PRRC1: variants seen among roughly 807,000 people sequenced by gnomAD.
PRRC1 encodes protein PRRC1.
PRRC1 carries 39 observed loss-of-function variants against 40.7 expected under a neutral mutation model. The observed-to-expected ratio is 0.96, with a 90% confidence interval of 0.74 to 1.25. PRRC1 has a LOEUF of 1.25. Among genes scored for constraint, PRRC1 ranks in the 50% most tolerant of loss-of-function variants. The pLI, the probability that PRRC1 is intolerant of heterozygous loss-of-function variation, is 0.00. For missense variants in PRRC1, 573 were observed against 548.3 expected (o/e 1.05, Z -0.45); for synonymous variants, 175 against 193.3 (o/e 0.91, Z 0.79).
chr5:127,545,544 C>A lies in PRRC1; in HGVS notation c.1026-2275C>A, dbSNP rs538767328. On this transcript the variant is annotated intron_variant, in intron 7 of 8. Transcript: ENST00000296666. ...AGTAAACTATCACAAGGACAAAAAA[C>A]CAAACATCACATGTTCTCACTCATA... 1.3e-4 allele frequency among the ~76,000 whole-genome samples: 20 copies of A among 149,306 alleles called. No homozygotes were observed. The South Asian group carries it at 3.6e-3, about 27-fold the overall frequency.
chr5:127,518,295 G>A (rs1401199207), intron 1 of PRRC1, among the ~76,000 whole-genome samples: 1 of 152,228 alleles, frequency 6.6e-6, no homozygotes, highest in Non-Finnish European at 1.5e-5. Context: ...GCAATGAAAG[G>A]AAGCTTATTT....
chr5:127,519,717 A>G (rs1767410043), intron 1 of PRRC1, among the ~76,000 whole-genome samples: 1 of 152,194 alleles, frequency 6.6e-6, no homozygotes. Flanking sequence ...TCTCATCTCA[A>G]AACATGACGT....
At chr5:127,545,898 A>G (rs1234258787) in intron 7 of PRRC1, among the ~76,000 whole-genome samples, 1 of 149,958 alleles carries the variant, frequency 6.7e-6, no homozygotes, top group Admixed American at 6.8e-5. Context: ...CGGTTTTAGA[A>G]TGGTATGATT....
At chr5:127,548,046 T>C in intron 8 of PRRC1, 125 bp downstream of exon 8, 1 of 748,064 alleles carries the variant, frequency 1.3e-6, no homozygotes, top group Non-Finnish European at 2.4e-6. Flanking sequence ...TCATTTTTCT[T>C]TTAGTATTTT....
At position 127,552,092 on chromosome 5, in the gene PRRC1, A is replaced by T. The variant is rs1272808306; in HGVS notation, c.*176A>T. ...CATCATGTCATTCCAGGAGACAAAAAGAAACAAATCCTTTTTATAGTCATA... is the reference window on the plus strand; with the variant it reads ...CATCATGTCATTCCAGGAGACAAAATGAAACAAATCCTTTTTATAGTCATA... On this transcript the variant is annotated 3_prime_UTR_variant, in exon 9 of 9. Transcript: ENST00000296666. 1 of 1,421,688 alleles carries T rather than the reference A, an allele frequency of 7.0e-7. No individual in the cohort carries two copies. Among genetic ancestry groups the T allele is most frequent in the Non-Finnish European group, 9.2e-7 (1 of 1,091,098 alleles). The allele number at this position is 1,421,688 out of a possible 1,614,324, so 88.1% of individuals were successfully genotyped here.
In PRRC1 at chr5:127,552,720, C is replaced by CT. The variant is rs1159184965; in HGVS notation, c.*805dup. ...TGTTCAGTACTTCCAAGAATAAGCT[C>CT]TGACAACAGCCATTGTTTCTGCTTC... is the stretch of plus-strand genomic sequence containing the variant. On this transcript the variant is annotated 3_prime_UTR_variant, in exon 9 of 9. Transcript: ENST00000296666. The CT allele has an allele frequency of 2.0e-6, 2 of 983,484 alleles. No individual in the cohort carries two copies. The highest frequency in any genetic ancestry group is 3.5e-5 in the African/African-American group (2 of 57,168). The allele number at this position is 983,484 out of a possible 1,614,324, so 60.9% of individuals were successfully genotyped here.
intron 8 of PRRC1, chr5:127,551,502 T>C (rs1351747249): frequency 5.3e-6 from 3 of 563,488 alleles, no homozygotes; most frequent in Non-Finnish European, 9.3e-6. Flanking sequence ...ATGGGGATAT[T>C]TTTTAAAAAA....
intron 7 of PRRC1, among the ~76,000 whole-genome samples, chr5:127,539,463 CAT>C (rs747891741): frequency 6.6e-6 from 1 of 151,992 alleles, no homozygotes; most frequent in Non-Finnish European, 1.5e-5. Context: ...CAATTATTCT[CAT>C]AGTTATTCAA....
At chr5:127,551,363 T>A in intron 8 of PRRC1, 1 of 233,080 alleles carries the variant, frequency 4.3e-6, no homozygotes, top group South Asian at 6.3e-5. Context: ...AGTTTTCCTC[T>A]TTCTGGTTGA....
intron 3 of PRRC1, 120 bp downstream of exon 3, chr5:127,525,040 A>G: frequency 9.8e-7 from 1 of 1,015,266 alleles, no homozygotes; most frequent in South Asian, 1.9e-5. Context: ...TTCAAAGCAT[A>G]CAGTTCCATA....
intron 4 of PRRC1, 70 bp from the exon 5 acceptor site, chr5:127,530,224 T>C (rs569195336): frequency 1.4e-6 from 2 of 1,403,316 alleles, no homozygotes; most frequent in Non-Finnish European, 2.0e-6. Context: ...AAAAGTTTTC[T>C]TCACAATCAT....
chr5:127,530,963 C>A (rs150915666), intron 5 of PRRC1, among the ~76,000 whole-genome samples: 2 of 152,158 alleles, frequency 1.3e-5, no homozygotes, highest in Admixed American at 1.3e-4. Flanking sequence ...ATGTACATAT[C>A]CAATATGTGA....
At chr5:127,543,518 C>T (rs1244211353) in intron 7 of PRRC1, among the ~76,000 whole-genome samples, 77 of 152,284 alleles carry the variant, frequency 5.1e-4, no homozygotes, top group African/African-American at 1.6e-3. Context: ...ACCAGTCAGA[C>T]GTAGATTTGG....
In PRRC1 at chr5:127,553,418, A is replaced by G; in HGVS notation, c.*1502A>G. 1 of 1,046,144 alleles carries G rather than the reference A, an allele frequency of 9.6e-7. No homozygotes were observed. The highest frequency in any genetic ancestry group is 1.1e-6 in the Non-Finnish European group (1 of 869,952). 64.8% of individuals were successfully genotyped at this position (1,046,144 alleles called of 1,614,324 possible). On this transcript the variant is annotated 3_prime_UTR_variant, in exon 9 of 9. Transcript: ENST00000296666. ...CGTGTCATTAAAAGTCATGAGAGAC[A>G]GCACAGAGAGGTTATAGGTTGCCTT...
intron 6 of PRRC1, among the ~76,000 whole-genome samples, chr5:127,535,820 ATAAT>A (rs1192090158): frequency 2.0e-5 from 3 of 152,170 alleles, no homozygotes; most frequent in Non-Finnish European, 4.4e-5. Context: ...TGCATTAATT[ATAAT>A]TAGTCACTAA....
chr5:127,530,375 C>T lies in PRRC1; in HGVS notation c.736C>T (p.Pro246Ser). 6.2e-7 allele frequency: 1 copy of T among 1,613,586 alleles called. No individual in the cohort carries two copies. The change falls in exon 5 of 9, where the codon CCT becomes TCT. Residue 246 changes from proline (P) to serine (S), a missense_variant. By Grantham distance (74) the Pro-to-Ser change is moderately conservative. Transcript: ENST00000296666. ...SVESMITTLDPGMAPYIKSGG... is the reference protein window; with the variant it reads ...SVESMITTLDSGMAPYIKSGG... ...AGAAAGCATGATTACAACGCTGGAC[C>T]CTGGCATGGCTCCCTATATCAGTAT... is the stretch of plus-strand genomic sequence containing the variant.
chr5:127,544,121 A>C (rs1768139226), intron 7 of PRRC1, among the ~76,000 whole-genome samples: 1 of 151,958 alleles, frequency 6.6e-6, no homozygotes, highest in Admixed American at 6.5e-5. Flanking sequence ...GGTCTGTTGG[A>C]GTTTGCTAGA....
At chr5:127,535,614 A>G (rs1397491188) in intron 6 of PRRC1, among the ~76,000 whole-genome samples, 1 of 152,168 alleles carries the variant, frequency 6.6e-6, no homozygotes, top group East Asian at 1.9e-4. Context: ...GATCAACTGT[A>G]TTTATGTTTA....
intron 7 of PRRC1, among the ~76,000 whole-genome samples, chr5:127,543,066 TGGTG>T (rs1412180796): frequency 6.6e-6 from 1 of 150,438 alleles, no homozygotes; most frequent in Non-Finnish European, 1.5e-5. Flanking sequence ...AGGGCAGGCC[TGGTG>T]GTGACAAAAT....
Sources: allele counts gnomAD v4.1 joint callset (sites outside exome capture counted in the v4.1 genomes callset), GRCh38; gene constraint gnomAD v4.1.1; transcripts MANE v1.5; gene names NCBI Gene and HGNC (gene_info 2026-07-23, HGNC 2026-07-21).